Variants in GPHN observed in about 807,000 individuals in gnomAD.
GPHN encodes the protein gephyrin.
Under a neutral mutation model 95.5 loss-of-function variants are expected in GPHN, and 17 were observed. The observed-to-expected ratio is 0.18, with a 90% CI of 0.12 to 0.27. The LOEUF (loss-of-function observed/expected upper bound fraction) is 0.27, where lower values mean the gene tolerates loss of function less well. Among genes scored for constraint, GPHN ranks in the 10% least tolerant of loss-of-function variants. GPHN has a pLI of 1.00. For missense variants in GPHN, 660 were observed against 978.1 expected (o/e 0.67, Z 4.34); for synonymous variants, 320 against 322.5 (o/e 0.99, Z 0.08).
chr14:67,579,293 T>C, the GPHN span: 1 of 1,548,820 alleles, frequency 6.5e-7, no homozygotes, highest in South Asian at 1.2e-5. Context: ...CCGTGCACTT[T>C]ACCAACGGGA....
chr14:67,038,749 G>A (rs1463386344), intron 10 of GPHN, among the ~76,000 whole-genome samples: 1 of 152,048 alleles, frequency 6.6e-6, no homozygotes, highest in African/African-American at 2.4e-5. Context: ...TCTTTCATCA[G>A]AAACCAGATT....
Position 66,662,028 on chromosome 14 carries a change from C to G in GPHN, c.65-19079C>G, listed in dbSNP as rs76380963. Among the ~76,000 whole-genome samples, 1,024 of 152,324 alleles carry G rather than the reference C, an allele frequency of 6.7e-3. 9 individuals are homozygous for G. Among genetic ancestry groups the G allele is most frequent in the Non-Finnish European group, 0.01 (697 of 68,008 alleles). On this transcript the variant is annotated intron_variant, in intron 1 of 22. Transcript: ENST00000478722. ...TAAGAGGTTTGAAAACTTCCTGGGA[C>G]AGAGCTCCTAGAGGGAGGAGTGGGC...
At chr14:66,637,044 C>T (rs1595355525) in intron 1 of GPHN, among the ~76,000 whole-genome samples, 2 of 152,108 alleles carry the variant, frequency 1.3e-5, no homozygotes, top group Admixed American at 6.6e-5. Flanking sequence ...AAGTATTTGC[C>T]TTGCTTACTT....
chr14:66,782,946 A>G (rs146608478), intron 3 of GPHN, among the ~76,000 whole-genome samples: 1 of 152,312 alleles, frequency 6.6e-6, no homozygotes, highest in East Asian at 1.9e-4. Flanking sequence ...GAGAAATGAC[A>G]TGGCAGTGAG....
intron 17 of GPHN, among the ~76,000 whole-genome samples, chr14:67,134,448 A>C (rs554433448): frequency 1.3e-5 from 2 of 152,318 alleles, no homozygotes; most frequent in East Asian, 3.9e-4. Flanking sequence ...TATGTTTAGC[A>C]GTATCTTTTC....
At chr14:67,402,962 G>A in the GPHN span, among the ~76,000 whole-genome samples, 1 of 152,136 alleles carries the variant, frequency 6.6e-6, no homozygotes, top group East Asian at 1.9e-4. Flanking sequence ...GGATCACATG[G>A]TAGCTCTATT....
the GPHN span, among the ~76,000 whole-genome samples, chr14:67,308,546 C>CTTTTTT: frequency 7.6e-6 from 1 of 131,836 alleles, no homozygotes; most frequent in African/African-American, 2.8e-5. Flanking sequence ...TTTTCTTTTT[C>CTTTTTT]TTTTTTTTTT....
At chr14:66,599,585 A>C (rs1223697203) in intron 1 of GPHN, among the ~76,000 whole-genome samples, 1 of 151,556 alleles carries the variant, frequency 6.6e-6, no homozygotes, top group South Asian at 2.1e-4. Context: ...TAGGGTTTTT[A>C]TTGGTTGTTT....
chr14:67,467,045 T>C, the GPHN span: 1 of 147,778 alleles, frequency 6.8e-6, no homozygotes, highest in South Asian at 2.2e-4. Flanking sequence ...AAAGTATCAG[T>C]AATCAACCTA....
rs112814478 is a variant in GPHN, at chr14:66,855,200, T to C, written c.295-24739T>C. 3.1e-3 allele frequency among the ~76,000 whole-genome samples: 466 copies of C among 152,312 alleles called. 9 individuals carry two copies. Among genetic ancestry groups the C allele is most frequent in the African/African-American group, 0.011 (441 of 41,572 alleles). On this transcript the variant is annotated intron_variant, in intron 4 of 22. Coordinates refer to ENST00000478722, the MANE Select transcript of GPHN (RefSeq NM_020806.5). ...TCATTGGTATTAATTATATTCACAA[T>C]GTTGTACAATTATCACTACTACCTG...
At chr14:67,284,576 A>C in the GPHN span, among the ~76,000 whole-genome samples, 23,061 of 143,568 alleles carry the variant, frequency 0.16, 4,235 homozygotes, top group East Asian at 0.44. Flanking sequence ...AAAAAAAAAA[A>C]AAAAAAAAAA....
At chr14:67,173,836 A>G (rs2082736442) in intron 21 of GPHN, among the ~76,000 whole-genome samples, 1 of 152,284 alleles carries the variant, frequency 6.6e-6, no homozygotes, top group Non-Finnish European at 1.5e-5. Flanking sequence ...TATGATATAA[A>G]TGAGAAATTC....
intron 2 of GPHN, among the ~76,000 whole-genome samples, chr14:66,756,581 A>AATTGTTTGCTCCAAGAACACATAAGTT (rs2058564238): frequency 2.6e-5 from 4 of 152,132 alleles, no homozygotes; most frequent in Admixed American, 1.3e-4. Flanking sequence ...ATTAAAAAAA[A>AATTGTTTGCTCCAAGAACACATAAGTT]TTGTTTGCTC....
At chr14:67,069,193 A>G (rs145582137) in intron 11 of GPHN, among the ~76,000 whole-genome samples, 441 of 152,338 alleles carry the variant, frequency 2.9e-3, no homozygotes, top group African/African-American at 0.01. Context: ...GTAGGATACT[A>G]TTAAAGGAGA....
intron 1 of GPHN, among the ~76,000 whole-genome samples, chr14:66,582,828 A>G (rs993515124): frequency 1.3e-5 from 2 of 152,172 alleles, no homozygotes; most frequent in African/African-American, 4.8e-5. Flanking sequence ...TATTGTGAAT[A>G]GTGCCGCAAT....
At chr14:67,620,774 G>A in the GPHN span, 42 of 908,242 alleles carry the variant, frequency 4.6e-5, no homozygotes, top group East Asian at 6.5e-4. Context: ...GACAGTCATT[G>A]ATGGAAGGGC....
chr14:66,987,292 C>G (rs1353121929), intron 9 of GPHN, among the ~76,000 whole-genome samples: 1 of 152,020 alleles, frequency 6.6e-6, no homozygotes, highest in Non-Finnish European at 1.5e-5. Context: ...AACGACATGA[C>G]TTTTTGAAAA....
chr14:66,732,088 T>C (rs1566881631), intron 2 of GPHN, among the ~76,000 whole-genome samples: 1 of 152,164 alleles, frequency 6.6e-6, no homozygotes, highest in Non-Finnish European at 1.5e-5. Context: ...AAGTCGGGTT[T>C]AGGGGCAGAG....
chr14:67,266,759 TTTATG>T, the GPHN span, among the ~76,000 whole-genome samples: 24 of 152,294 alleles, frequency 1.6e-4, no homozygotes, highest in African/African-American at 5.3e-4. Context: ...AATAGAGTCT[TTTATG>T]TGATGTCAGT....
Sources: gnomAD v4.1 joint callset for allele counts (sites outside exome capture counted in the v4.1 genomes callset) on GRCh38, gnomAD v4.1.1 for gene constraint, MANE v1.5 for transcripts, NCBI Gene and HGNC (gene_info 2026-07-23, HGNC 2026-07-21) for gene names.